The following NXPH1 variants were observed in gnomAD, a reference collection of about 807,000 sequenced individuals.
The protein encoded by NXPH1 is neurexophilin-1.
NXPH1 carries 5 observed loss-of-function variants against 23.7 expected under a neutral mutation model. The observed-to-expected ratio is 0.21, with a 90% CI of 0.11 to 0.44. The LOEUF (loss-of-function observed/expected upper bound fraction) is 0.44. Ranked by LOEUF, NXPH1 falls within the 20% of genes least tolerant of loss-of-function variation. The pLI, the probability that NXPH1 is intolerant of heterozygous loss-of-function variation, is 0.99. For synonymous variants in NXPH1, 144 were observed against 122.2 expected (o/e 1.18, Z -1.18); for missense variants, 324 against 321.6 (o/e 1.01, Z -0.06).
intron 2 of NXPH1, among the ~76,000 whole-genome samples, chr7:8,478,783 G>C (rs972965947): frequency 6.6e-6 from 1 of 152,062 alleles, no homozygotes; most frequent in Non-Finnish European, 1.5e-5. Flanking sequence ...AAGAAAATTA[G>C]ATTATTATCA....
intron 2 of NXPH1, among the ~76,000 whole-genome samples, chr7:8,436,069 A>G (rs1816188270): frequency 6.6e-6 from 1 of 152,198 alleles, no homozygotes; most frequent in Non-Finnish European, 1.5e-5. Flanking sequence ...TAGAGGGCCA[A>G]CGAGAAGAAG....
intron 2 of NXPH1, among the ~76,000 whole-genome samples, chr7:8,525,125 A>G (rs954748885): frequency 6.6e-6 from 1 of 152,192 alleles, no homozygotes; most frequent in Admixed American, 6.5e-5. Context: ...CGATATGGAC[A>G]ATAAAATTTA....
intron 2 of NXPH1, among the ~76,000 whole-genome samples, chr7:8,665,347 ATC>A (rs1820743774): frequency 6.6e-6 from 1 of 152,016 alleles, no homozygotes; most frequent in South Asian, 2.1e-4. Flanking sequence ...ATGGATTTAT[ATC>A]TTGGCTTTCT....
At chr7:8,730,970 A>T (rs569302813) in intron 2 of NXPH1, among the ~76,000 whole-genome samples, 72 of 147,874 alleles carry the variant, frequency 4.9e-4, no homozygotes, top group African/African-American at 1.3e-3. Context: ...CATCACTTTC[A>T]GGTACACCAA....
chr7:8,508,375 A>G (rs1426270067), intron 2 of NXPH1, among the ~76,000 whole-genome samples: 3 of 152,140 alleles, frequency 2.0e-5, no homozygotes, highest in African/African-American at 7.2e-5. Flanking sequence ...AAATAGAAAT[A>G]ATATTATCTC....
chr7:8,521,958 C>CT (rs1817779317), intron 2 of NXPH1, among the ~76,000 whole-genome samples: 1 of 152,086 alleles, frequency 6.6e-6, no homozygotes, highest in African/African-American at 2.4e-5. Flanking sequence ...TGAGCCAAGA[C>CT]TACATGGCTG....
chr7:8,437,910 G>A (rs1816223590), intron 2 of NXPH1, among the ~76,000 whole-genome samples: 1 of 152,234 alleles, frequency 6.6e-6, no homozygotes, highest in South Asian at 2.1e-4. Context: ...CAATAAAATA[G>A]AGAAGGCTAT....
chr7:8,457,756 C>T (rs928744895), intron 2 of NXPH1, among the ~76,000 whole-genome samples: 3 of 151,862 alleles, frequency 2.0e-5, no homozygotes, highest in Non-Finnish European at 4.4e-5. Flanking sequence ...AGCCTTCTGG[C>T]AAAGACTAAG....
In NXPH1 at chr7:8,503,793, G is replaced by T. The variant is rs192954863; in HGVS notation, c.54+68026G>T. Among the ~76,000 whole-genome samples the T allele has an allele frequency of 1.9e-3, 288 of 151,974 alleles. 2 individuals are homozygous for T. Among genetic ancestry groups the T allele is most frequent in the African/African-American group, 6.6e-3 (273 of 41,492 alleles). ...GCAGTCTGTCTGCTGCCCATTTAAG[G>T]TCCGGTTCATCCGGAACACCATCAC... On this transcript the variant is annotated intron_variant, in intron 2 of 2. Transcript: ENST00000405863.
At chr7:8,697,162 A>T (rs75809262) in intron 2 of NXPH1, among the ~76,000 whole-genome samples, 1 of 147,402 alleles carries the variant, frequency 6.8e-6, no homozygotes, top group African/African-American at 2.5e-5. Flanking sequence ...TGTTTCAAAA[A>T]AAAAAAAAAA....
chr7:8,469,310 T>C (rs950963597), intron 2 of NXPH1, among the ~76,000 whole-genome samples: 2 of 152,218 alleles, frequency 1.3e-5, no homozygotes, highest in South Asian at 4.1e-4. Context: ...CCATGGACTT[T>C]CTGTGATAAT....
intron 2 of NXPH1, among the ~76,000 whole-genome samples, chr7:8,582,213 G>C (rs964671384): frequency 6.6e-6 from 1 of 152,212 alleles, no homozygotes; most frequent in Non-Finnish European, 1.5e-5. Context: ...GAATCACAGA[G>C]CCCCAAAGAC....
chr7:8,640,439 T>C (rs1820288179), intron 2 of NXPH1, among the ~76,000 whole-genome samples: 1 of 151,410 alleles, frequency 6.6e-6, no homozygotes, highest in African/African-American at 2.4e-5. Context: ...GTATTAAATA[T>C]ATATATAGTT....
intron 2 of NXPH1, among the ~76,000 whole-genome samples, chr7:8,680,790 C>G (rs377738919): frequency 5.9e-5 from 9 of 152,130 alleles, no homozygotes; most frequent in Admixed American, 2.6e-4. Flanking sequence ...GAGGTAGCTC[C>G]CATCAAGGAT....
At chr7:8,701,129 A>G (rs1017669568) in intron 2 of NXPH1, among the ~76,000 whole-genome samples, 2 of 152,026 alleles carry the variant, frequency 1.3e-5, no homozygotes, top group Non-Finnish European at 2.9e-5. Context: ...GCATATCTCC[A>G]AGGCCAAACT....
chr7:8,652,573 T>G (rs2115153519), intron 2 of NXPH1, among the ~76,000 whole-genome samples: 1 of 152,314 alleles, frequency 6.6e-6, no homozygotes. Context: ...CACACAATTT[T>G]TGAGCACCTA....
At chr7:8,626,624 G>T (rs1273014944) in intron 2 of NXPH1, among the ~76,000 whole-genome samples, 1 of 152,004 alleles carries the variant, frequency 6.6e-6, no homozygotes, top group Non-Finnish European at 1.5e-5. Context: ...CTGAAGTCAG[G>T]TCATATGAAA....
At chr7:8,500,583 A>AACACAAGAC (rs1015783442) in intron 2 of NXPH1, among the ~76,000 whole-genome samples, 3 of 152,072 alleles carry the variant, frequency 2.0e-5, no homozygotes, top group Non-Finnish European at 4.4e-5. Flanking sequence ...ATTATTTCCA[A>AACACAAGAC]ACACAAGACT....
chr7:8,466,968 T>C (rs1298563618), intron 2 of NXPH1, among the ~76,000 whole-genome samples: 1 of 152,122 alleles, frequency 6.6e-6, no homozygotes, highest in Admixed American at 6.6e-5. Context: ...CAAACCATAG[T>C]AGTTTCTGCA....
Sources: gnomAD v4.1 joint callset for allele counts (sites outside exome capture counted in the v4.1 genomes callset) on GRCh38, gnomAD v4.1.1 for gene constraint, MANE v1.5 for transcripts, NCBI Gene and HGNC (gene_info 2026-07-23, HGNC 2026-07-21) for gene names.